The following MAP2K4 variants were observed in gnomAD, a reference collection of about 807,000 sequenced individuals.
MAP2K4 encodes dual specificity mitogen-activated protein kinase kinase 4.
In MAP2K4, 4 loss-of-function variants were observed where a neutral mutation model predicts 48.5. The observed-to-expected ratio is 0.08, with a 90% confidence interval of 0.04 to 0.19. The LOEUF (loss-of-function observed/expected upper bound fraction) is 0.19, where lower values mean the gene tolerates loss of function less well. Ranked by LOEUF, MAP2K4 falls within the 10% of genes least tolerant of loss-of-function variation. MAP2K4 has a pLI of 1.00. For synonymous variants in MAP2K4, 166 were observed against 173.1 expected (o/e 0.96, Z 0.32); for missense variants, 258 against 493.3 (o/e 0.52, Z 4.52).
rs1431892621 is a variant in MAP2K4 at position 12,081,708 on chromosome 17, C to CT, written c.393+179dup. On this transcript the variant is annotated intron_variant, in intron 3 of 10. Coordinates refer to ENST00000353533, the MANE Select transcript of MAP2K4 (RefSeq NM_003010.4). The surrounding 1 kb of genome is among the most constrained non-coding windows in gnomAD (Gnocchi z 4.2). ...AGGTTTCTTATTGGTGGCACATTTTCTATCTCTTTGGAAACATGAGTGTAT... is the reference window on the plus strand; with the variant it reads ...AGGTTTCTTATTGGTGGCACATTTTCTTATCTCTTTGGAAACATGAGTGTAT... Among the ~76,000 whole-genome samples the CT allele has an allele frequency of 6.6e-6, 1 of 152,180 alleles. No homozygotes were observed. The highest frequency in any genetic ancestry group is 1.5e-5 in the Non-Finnish European group (1 of 68,046).
intron 2 of MAP2K4, among the ~76,000 whole-genome samples, chr17:12,064,995 T>C (rs928061012): frequency 9.2e-5 from 14 of 152,112 alleles, no homozygotes; most frequent in African/African-American, 3.4e-4. Context: ...AAATCTAGAG[T>C]AGGCAGAACA....
intron 1 of MAP2K4, among the ~76,000 whole-genome samples, chr17:12,036,911 T>G (rs2151513607): frequency 6.6e-6 from 1 of 151,988 alleles, no homozygotes; most frequent in Non-Finnish European, 1.5e-5. Context: ...ACCTTTTTTT[T>G]GTAGCTGTAG....
intron 2 of MAP2K4, among the ~76,000 whole-genome samples, chr17:12,066,913 G>A (rs566067421): frequency 2.7e-3 from 409 of 152,264 alleles, no homozygotes; most frequent in Non-Finnish European, 3.3e-3. Flanking sequence ...TCCTGACCTC[G>A]TGATCCGCCC....
intron 1 of MAP2K4, among the ~76,000 whole-genome samples, chr17:12,043,819 G>A (rs1969872581): frequency 6.6e-6 from 1 of 152,002 alleles, no homozygotes; most frequent in Non-Finnish European, 1.5e-5. Context: ...CTATTGTTAG[G>A]GGTTTTTATG....
chr17:12,029,153 T>C (rs531172966), intron 1 of MAP2K4, among the ~76,000 whole-genome samples: 3 of 152,156 alleles, frequency 2.0e-5, no homozygotes, highest in East Asian at 3.9e-4. Flanking sequence ...ACATAAAAGA[T>C]CTTAAAATTG....
intron 7 of MAP2K4, chr17:12,115,646 T>C: frequency 1.3e-6 from 1 of 752,020 alleles, no homozygotes; most frequent in Admixed American, 1.7e-5. Context: ...GGTTAACGCT[T>C]ATTAACACAG....
intron 9 of MAP2K4, among the ~76,000 whole-genome samples, chr17:12,134,998 G>C (rs1427335842): frequency 1.3e-5 from 2 of 152,130 alleles, no homozygotes; most frequent in Non-Finnish European, 2.9e-5. Flanking sequence ...AACTTCCCAG[G>C]CTCAAGCGAT....
At chr17:12,078,030 A>G (rs2151545666) in intron 2 of MAP2K4, among the ~76,000 whole-genome samples, 1 of 152,294 alleles carries the variant, frequency 6.6e-6, no homozygotes. Context: ...TTATCTTCTT[A>G]TAGGCCCTGT....
rs548564001 is a variant in MAP2K4 at position 12,128,454 on chromosome 17, AT to A, written c.892-675del. Among the ~76,000 whole-genome samples the A allele has an allele frequency of 1.4e-3, 205 of 150,008 alleles. 2 individuals are homozygous for A. The highest frequency in any genetic ancestry group is 4.5e-3 in the African/African-American group (185 of 40,970). On this transcript the variant is annotated intron_variant, in intron 8 of 10. Coordinates refer to ENST00000353533, the MANE Select transcript of MAP2K4 (RefSeq NM_003010.4). ...TACGATTCACTGGTTATTAGAGAATATTTTTTTTTTGGACCCTTGATAGGAT... is the reference window on the plus strand; with the variant it reads ...TACGATTCACTGGTTATTAGAGAATATTTTTTTTTGGACCCTTGATAGGAT...
At chr17:12,064,075 A>C (rs933555845) in intron 2 of MAP2K4, among the ~76,000 whole-genome samples, 2 of 151,956 alleles carry the variant, frequency 1.3e-5, no homozygotes, top group Non-Finnish European at 2.9e-5. Context: ...CACAATGTAT[A>C]TATATATATC....
At chr17:12,077,808 G>A (rs1268445428) in intron 2 of MAP2K4, among the ~76,000 whole-genome samples, 4 of 152,098 alleles carry the variant, frequency 2.6e-5, no homozygotes, top group African/African-American at 7.2e-5. Flanking sequence ...CACAATTCTC[G>A]AGACTGGAGA....
chr17:12,095,895 T>G lies in MAP2K4; in HGVS notation c.513+201T>G, dbSNP rs201737009. 2.8e-4 allele frequency among the ~76,000 whole-genome samples: 42 copies of G among 147,398 alleles called. No homozygotes were observed. The East Asian group carries it at 3.8e-3, about 13-fold the overall frequency. ...GGTAAGGGGTGAATCACACGTGTGT[T>G]TGTGTGTGTGTGTGTGTGTGTGTGT... is the stretch of plus-strand genomic sequence containing the variant. On this transcript the variant is annotated intron_variant, in intron 4 of 10. Transcript: ENST00000353533.
chr17:12,109,492 C>T (rs1435997448), intron 5 of MAP2K4, among the ~76,000 whole-genome samples: 1 of 152,178 alleles, frequency 6.6e-6, no homozygotes, highest in East Asian at 1.9e-4. Flanking sequence ...AAAGACGTCA[C>T]CTTACAGCAA....
intron 7 of MAP2K4, among the ~76,000 whole-genome samples, chr17:12,114,851 T>C (rs1170958898): frequency 2.6e-5 from 4 of 152,230 alleles, no homozygotes; most frequent in South Asian, 2.1e-4. Flanking sequence ...TGCAGAGATA[T>C]GCTTTGCAGG....
At chr17:12,050,459 C>G (rs1970104345) in intron 1 of MAP2K4, among the ~76,000 whole-genome samples, 1 of 152,118 alleles carries the variant, frequency 6.6e-6, no homozygotes, top group South Asian at 2.1e-4. Flanking sequence ...TCCTGAGGGA[C>G]ATACTGATGT....
At chr17:12,033,843 T>C (rs1304854771) in intron 1 of MAP2K4, among the ~76,000 whole-genome samples, 1 of 152,186 alleles carries the variant, frequency 6.6e-6, no homozygotes, top group African/African-American at 2.4e-5. Flanking sequence ...AGACAGAGTC[T>C]CACTGTGTTT....
chr17:12,079,310 TTAAAA>T lies in MAP2K4; in HGVS notation c.219-2042_219-2038del, dbSNP rs1196222681. 2.6e-5 allele frequency among the ~76,000 whole-genome samples: 4 copies of T among 152,240 alleles called. No individual in the cohort carries two copies. In the East Asian group the frequency reaches 5.8e-4, roughly 22 times the overall value. On this transcript the variant is annotated intron_variant, in intron 2 of 10. Coordinates refer to ENST00000353533, the MANE Select transcript of MAP2K4 (RefSeq NM_003010.4). Reference sequence around the variant, plus strand: ...ATTCCATAATACTAAAATTTGATCTTTAAAATAAGACATAATATTGTAACTGTTTT... The same window carrying T: ...ATTCCATAATACTAAAATTTGATCTTTAAGACATAATATTGTAACTGTTTT...
chr17:12,076,346 A>G (rs896506448), intron 2 of MAP2K4, among the ~76,000 whole-genome samples: 1 of 147,518 alleles, frequency 6.8e-6, no homozygotes, highest in Non-Finnish European at 1.5e-5. Context: ...AGGATTTCAG[A>G]AATTTCAGAC....
chr17:12,029,011 C>T (rs1311755045), intron 1 of MAP2K4, among the ~76,000 whole-genome samples: 1 of 152,196 alleles, frequency 6.6e-6, no homozygotes, highest in Non-Finnish European at 1.5e-5. Flanking sequence ...TCTCCTAACA[C>T]ACTTCATTTT....
Sources: allele counts gnomAD v4.1 joint callset (sites outside exome capture counted in the v4.1 genomes callset), GRCh38; gene constraint gnomAD v4.1.1; non-coding constraint Gnocchi (gnomAD v3.1); transcripts MANE v1.5; gene names NCBI Gene and HGNC (gene_info 2026-07-23, HGNC 2026-07-21).